CHCHD3: variants seen among roughly 807,000 people sequenced by gnomAD.
CHCHD3 encodes the protein MICOS complex subunit MIC19.
In CHCHD3, 20 loss-of-function variants were observed where a neutral mutation model predicts 38.2. The observed-to-expected ratio is 0.52, with a 90% CI of 0.37 to 0.76. CHCHD3 has a LOEUF of 0.76. Ranked by LOEUF, CHCHD3 falls within the 30% of genes least tolerant of loss-of-function variation. CHCHD3 has a pLI of 0.00. For missense variants in CHCHD3, 245 were observed against 279.2 expected (o/e 0.88, Z 0.87); for synonymous variants, 82 against 100.0 (o/e 0.82, Z 1.07).
intron 5 of CHCHD3, among the ~76,000 whole-genome samples, chr7:132,841,988 C>T (rs1195603380): frequency 2.0e-5 from 3 of 152,050 alleles, no homozygotes; most frequent in Non-Finnish European, 4.4e-5. Flanking sequence ...ATCCCAGCTA[C>T]TCAGGAGGCT....
At chr7:132,970,095 G>GCA (rs907767799) in intron 4 of CHCHD3, among the ~76,000 whole-genome samples, 2 of 152,008 alleles carry the variant, frequency 1.3e-5, no homozygotes, top group Non-Finnish European at 2.9e-5. Context: ...TGAATCCCCT[G>GCA]CACACACACA....
At chr7:132,981,391 C>A (rs1462098237) in intron 3 of CHCHD3, among the ~76,000 whole-genome samples, 1 of 152,208 alleles carries the variant, frequency 6.6e-6, no homozygotes, top group Non-Finnish European at 1.5e-5. Flanking sequence ...CAAAGTCATA[C>A]TTCTTAAACA....
chr7:132,853,344 C>G (rs954575736), intron 5 of CHCHD3, among the ~76,000 whole-genome samples: 1 of 152,124 alleles, frequency 6.6e-6, no homozygotes, highest in African/African-American at 2.4e-5. Flanking sequence ...GACAGATTTA[C>G]TCATTAAGAA....
chr7:133,051,812 GT>G (rs1213244038), intron 2 of CHCHD3, among the ~76,000 whole-genome samples: 2 of 151,890 alleles, frequency 1.3e-5, no homozygotes, highest in Non-Finnish European at 2.9e-5. Flanking sequence ...CTAATCATTC[GT>G]TCAAAAAAAT....
At chr7:133,068,548 T>C (rs17166883) in intron 2 of CHCHD3, among the ~76,000 whole-genome samples, 11,249 of 152,236 alleles carry the variant, frequency 0.074, 940 homozygotes, top group East Asian at 0.21. Context: ...CTTGACCTGA[T>C]TTGCTTTTCT....
chr7:133,082,048 G>A lies in CHCHD3; in HGVS notation c.-111C>T. ...TGGATTCTTTTCCCGCACAGCGGGA[G>A]CAAGGCCACGACCCCCAGAAGCAAG... is the stretch of plus-strand genomic sequence containing the variant. On this transcript the variant is annotated 5_prime_UTR_variant, in exon 1 of 8. Transcript: ENST00000262570. 4.1e-6 allele frequency: 4 copies of A among 974,210 alleles called. No homozygotes were observed. Among genetic ancestry groups the A allele is most frequent in the Non-Finnish European group, 5.9e-6 (4 of 675,292 alleles). 60.3% of individuals were successfully genotyped at this position (974,210 alleles called of 1,614,324 possible).
In CHCHD3 at chr7:132,796,457, GAC is replaced by G. The variant is rs1298921274; in HGVS notation, c.643_644del (p.Val215GlnfsTer9). The G allele has an allele frequency of 1.2e-6, 2 of 1,613,798 alleles. No individual in the cohort carries two copies. Among genetic ancestry groups the G allele is most frequent in the Non-Finnish European group, 1.7e-6 (2 of 1,179,810 alleles). On this transcript the variant is annotated frameshift_variant, in exon 7 of 8. Coordinates refer to ENST00000262570, the MANE Select transcript of CHCHD3 (RefSeq NM_017812.4). LOFTEE classifies it high-confidence loss of function. ...GCACACCTACCTGTTTGGCATGATT[GAC>G]ACAGTGCATATACTGGGTGGCCAGA... ...SALATQYMHCVNHAKQSMLEK... is the reference protein window; with the variant it reads ...SALATQYMHCXNHAKQSMLEK...
chr7:132,941,017 T>C (rs1256233819), intron 4 of CHCHD3, among the ~76,000 whole-genome samples: 2 of 152,142 alleles, frequency 1.3e-5, no homozygotes, highest in African/African-American at 4.8e-5. Flanking sequence ...CTCAAAATAC[T>C]GTAAAACTGA....
chr7:133,004,047 G>A (rs762964559), intron 3 of CHCHD3, among the ~76,000 whole-genome samples: 4 of 151,662 alleles, frequency 2.6e-5, no homozygotes, highest in African/African-American at 4.8e-5. Flanking sequence ...AACCTCCGCC[G>A]TGGAGCGATT....
intron 2 of CHCHD3, among the ~76,000 whole-genome samples, chr7:133,043,591 A>C (rs949825378): frequency 6.6e-6 from 1 of 151,650 alleles, no homozygotes; most frequent in Admixed American, 6.6e-5. Flanking sequence ...GGTAGCAGTG[A>C]GCCGAGATAG....
chr7:132,828,010 C>T (rs924918884), intron 6 of CHCHD3, among the ~76,000 whole-genome samples: 2 of 152,140 alleles, frequency 1.3e-5, no homozygotes, highest in Non-Finnish European at 2.9e-5. Flanking sequence ...TTTGTTTCTC[C>T]ATTCCCTCAA....
intron 4 of CHCHD3, among the ~76,000 whole-genome samples, chr7:132,909,059 G>A (rs1809870450): frequency 1.3e-5 from 2 of 152,042 alleles, no homozygotes; most frequent in African/African-American, 2.4e-5. Flanking sequence ...TTTTATAAGA[G>A]GCTTTTCCCC....
At chr7:132,811,417 G>A (rs1807065114) in intron 6 of CHCHD3, among the ~76,000 whole-genome samples, 1 of 152,200 alleles carries the variant, frequency 6.6e-6, no homozygotes, top group African/African-American at 2.4e-5. Context: ...TGCAAACAAA[G>A]GAAATGCATG....
intron 3 of CHCHD3, among the ~76,000 whole-genome samples, chr7:133,004,372 G>A (rs972745094): frequency 3.9e-5 from 6 of 152,202 alleles, no homozygotes; most frequent in Admixed American, 1.3e-4. Flanking sequence ...ATCTAAGGAG[G>A]AGCATACCAG....
chr7:133,024,494 G>A (rs1169312240), intron 3 of CHCHD3, 52 bp downstream of exon 3: 3 of 1,211,674 alleles, frequency 2.5e-6, no homozygotes, highest in African/African-American at 3.0e-5. Context: ...TAAAAATACT[G>A]GTAAATATGA....
intron 3 of CHCHD3, among the ~76,000 whole-genome samples, chr7:133,002,730 T>C (rs936574938): frequency 2.0e-5 from 3 of 152,186 alleles, no homozygotes; most frequent in African/African-American, 7.2e-5. Context: ...TTACAAATTC[T>C]TTTTCTTATC....
Position 133,066,903 on chromosome 7 carries a change from T to G in CHCHD3, c.169+3239A>C, listed in dbSNP as rs74950408. The stretch of plus-strand genomic sequence containing the variant: ...AAGCAGAACATCACTAAAAAGCAGC[T>G]CCTTCATTCCAACTAGTTTCTATCA... On this transcript the variant is annotated intron_variant, in intron 2 of 7. Coordinates refer to ENST00000262570, the MANE Select transcript of CHCHD3 (RefSeq NM_017812.4). 1.4e-3 allele frequency among the ~76,000 whole-genome samples: 213 copies of G among 152,274 alleles called. 1 individual carries two copies. The East Asian group carries it at 0.017, about 12-fold the overall frequency.
intron 5 of CHCHD3, among the ~76,000 whole-genome samples, chr7:132,843,236 A>G (rs1425537965): frequency 6.6e-6 from 1 of 152,022 alleles, no homozygotes; most frequent in Non-Finnish European, 1.5e-5. Flanking sequence ...TTCAAGGTCT[A>G]TGGACCACCT....
chr7:132,991,008 T>C (rs1812268164), intron 3 of CHCHD3, among the ~76,000 whole-genome samples: 1 of 150,210 alleles, frequency 6.7e-6, no homozygotes, highest in Non-Finnish European at 1.5e-5. Flanking sequence ...TCTCTTTTTA[T>C]ACTAGATGTG....
Sources: gnomAD v4.1 joint callset for allele counts (sites outside exome capture counted in the v4.1 genomes callset) on GRCh38, gnomAD v4.1.1 for gene constraint, MANE v1.5 for transcripts, NCBI Gene and HGNC (gene_info 2026-07-23, HGNC 2026-07-21) for gene names.